Variants in CNTNAP2 observed in about 807,000 individuals in gnomAD.
CNTNAP2 encodes the protein contactin associated protein 2.
CNTNAP2 carries 98 observed loss-of-function variants against 155.2 expected under a neutral mutation model. The observed-to-expected ratio is 0.63, with a 90% confidence interval of 0.54 to 0.75. The LOEUF (loss-of-function observed/expected upper bound fraction) is 0.75. Among genes scored for constraint, CNTNAP2 ranks in the 30% least tolerant of loss-of-function variants. The pLI is 0.00. For missense variants in CNTNAP2, 1,727 were observed against 1,688.1 expected, an observed-to-expected ratio of 1.02 and a Z score of -0.40; for synonymous variants, 651 against 631.2, an observed-to-expected ratio of 1.03 and a Z score of -0.47.
chr7:148,174,016 G>A (rs1562983884), intron 18 of CNTNAP2, among the ~76,000 whole-genome samples: 1 of 152,220 alleles, frequency 6.6e-6, no homozygotes, highest in Non-Finnish European at 1.5e-5. Context: ...ATCCTCTCCA[G>A]GTTAGGCCAC....
intron 3 of CNTNAP2, among the ~76,000 whole-genome samples, chr7:146,861,084 C>T (rs1450200775): frequency 6.6e-6 from 1 of 151,660 alleles, no homozygotes; most frequent in Non-Finnish European, 1.5e-5. Context: ...TTTTTGAGAC[C>T]AAGCCTCATC....
At chr7:148,314,517 G>A (rs1213890067) in intron 21 of CNTNAP2, among the ~76,000 whole-genome samples, 5 of 152,144 alleles carry the variant, frequency 3.3e-5, no homozygotes, top group African/African-American at 9.7e-5. Flanking sequence ...GAAGAAGGGG[G>A]AATGGAGGGT....
At chr7:147,686,344 TG>T (rs1563052684) in intron 13 of CNTNAP2, among the ~76,000 whole-genome samples, 1 of 152,098 alleles carries the variant, frequency 6.6e-6, no homozygotes, top group African/African-American at 2.4e-5. Flanking sequence ...AAAGAAGGCT[TG>T]GGGGAAATGT....
chr7:147,587,841 T>G (rs1016495190), intron 12 of CNTNAP2, among the ~76,000 whole-genome samples: 11 of 152,168 alleles, frequency 7.2e-5, no homozygotes, highest in Non-Finnish European at 1.3e-4. Context: ...TCTTTCCCCA[T>G]CATAGCATTG....
intron 1 of CNTNAP2, among the ~76,000 whole-genome samples, chr7:146,156,783 G>T (rs2116788812): frequency 6.6e-6 from 1 of 152,124 alleles, no homozygotes. Context: ...TGTATTTTTA[G>T]TAAAAACAGG....
At chr7:147,784,492 CT>C (rs1797704421) in intron 13 of CNTNAP2, among the ~76,000 whole-genome samples, 2 of 51,706 alleles carry the variant, frequency 3.9e-5, no homozygotes, top group African/African-American at 6.8e-5. Flanking sequence ...GGGCTCTGGA[CT>C]AATATATATA....
At chr7:146,970,000 T>A (rs576174906) in intron 3 of CNTNAP2, among the ~76,000 whole-genome samples, 2 of 152,316 alleles carry the variant, frequency 1.3e-5, no homozygotes, top group East Asian at 3.9e-4. Flanking sequence ...GAAAACTGGC[T>A]AGCCATATGT....
chr7:147,400,190 T>C (rs1796888991), intron 10 of CNTNAP2, among the ~76,000 whole-genome samples: 1 of 152,082 alleles, frequency 6.6e-6, no homozygotes, highest in Non-Finnish European at 1.5e-5. Flanking sequence ...TCCACTCACT[T>C]CTTCCTTCAA....
chr7:148,245,778 C>A (rs977610861), intron 20 of CNTNAP2, among the ~76,000 whole-genome samples: 11 of 152,046 alleles, frequency 7.2e-5, no homozygotes, highest in Non-Finnish European at 1.2e-4. Flanking sequence ...AGCCTTAATG[C>A]ACATGGGTAC....
intron 8 of CNTNAP2, among the ~76,000 whole-genome samples, chr7:147,257,594 G>A (rs1314655044): frequency 6.6e-6 from 1 of 152,086 alleles, no homozygotes; most frequent in African/African-American, 2.4e-5. Flanking sequence ...CAAAACTACG[G>A]TACCGCCATC....
At chr7:146,153,322 A>G (rs1363607601) in intron 1 of CNTNAP2, among the ~76,000 whole-genome samples, 1 of 152,136 alleles carries the variant, frequency 6.6e-6, no homozygotes, top group Non-Finnish European at 1.5e-5. Context: ...TACACAGGAG[A>G]GCTTTTTAGT....
intron 1 of CNTNAP2, among the ~76,000 whole-genome samples, chr7:146,750,835 T>C (rs1801890676): frequency 6.6e-6 from 1 of 152,142 alleles, no homozygotes; most frequent in African/African-American, 2.4e-5. Context: ...ATAGCAAAAA[T>C]TTTACTACTT....
intron 1 of CNTNAP2, among the ~76,000 whole-genome samples, chr7:146,578,678 TA>T (rs907448097): frequency 1.7e-4 from 26 of 152,272 alleles, no homozygotes; most frequent in African/African-American, 6.3e-4. Context: ...CTCTGCTTTA[TA>T]AATGAGAAAA....
At chr7:146,961,612 C>A (rs1265068213) in intron 3 of CNTNAP2, among the ~76,000 whole-genome samples, 1 of 152,102 alleles carries the variant, frequency 6.6e-6, no homozygotes, top group Non-Finnish European at 1.5e-5. Context: ...ATTGGTGACT[C>A]CTGTCCCTGG....
intron 3 of CNTNAP2, among the ~76,000 whole-genome samples, chr7:146,899,438 T>C (rs1305746563): frequency 1.3e-5 from 2 of 152,172 alleles, no homozygotes; most frequent in Non-Finnish European, 2.9e-5. Context: ...GAACATCTAG[T>C]TGAATAAGCC....
chr7:147,065,367 G>A (rs2129263779), intron 4 of CNTNAP2, among the ~76,000 whole-genome samples: 1 of 152,308 alleles, frequency 6.6e-6, no homozygotes, highest in East Asian at 1.9e-4. Flanking sequence ...ATGAAATTAA[G>A]TTGACTACAG....
chr7:147,972,257 A>G (rs901720934), intron 14 of CNTNAP2, among the ~76,000 whole-genome samples: 4 of 152,154 alleles, frequency 2.6e-5, no homozygotes, highest in South Asian at 4.1e-4. Flanking sequence ...ATGCAGAGTA[A>G]ACATTTTTTA....
intron 3 of CNTNAP2, among the ~76,000 whole-genome samples, chr7:146,906,253 T>A (rs1796123154): frequency 6.6e-6 from 1 of 152,200 alleles, no homozygotes; most frequent in Admixed American, 6.5e-5. Context: ...CCAGGCTTGC[T>A]TAGGTAAACA....
chr7:146,775,603 A>AAAGG (rs113528085), intron 2 of CNTNAP2, among the ~76,000 whole-genome samples: 74 of 151,344 alleles, frequency 4.9e-4, no homozygotes, highest in East Asian at 9.8e-4. Context: ...AGGAAGGAAG[A>AAAGG]AAGGAAGGAA....
Sources: allele counts gnomAD v4.1 joint callset (sites outside exome capture counted in the v4.1 genomes callset), GRCh38; gene constraint gnomAD v4.1.1; transcripts MANE v1.5; gene names NCBI Gene and HGNC (gene_info 2026-07-23, HGNC 2026-07-21).